PIGU: variants seen among roughly 807,000 people sequenced by gnomAD.
PIGU encodes the protein GPI-anchor transamidase component PIGU.
In PIGU, 24 loss-of-function variants were observed where a neutral mutation model predicts 49.9. The ratio of observed to expected loss-of-function variants is 0.48; its 90% confidence interval spans 0.35 to 0.68. PIGU has a LOEUF of 0.68. Among genes scored for constraint, PIGU ranks in the 30% least tolerant of loss-of-function variants. PIGU has a pLI of 0.01. For missense variants in PIGU, 490 were observed against 532.6 expected, an observed-to-expected ratio of 0.92 and a Z score of 0.79; for synonymous variants, 220 against 205.7, an observed-to-expected ratio of 1.07 and a Z score of -0.59.
chr20:34,675,266 AAAAG>A (rs1187626484), intron 1 of PIGU, among the ~76,000 whole-genome samples: 16 of 128,072 alleles, frequency 1.2e-4, no homozygotes, highest in Non-Finnish European at 2.4e-4. Flanking sequence ...AAAAAAAAAA[AAAAG>A]AGAGAGAGAG....
intron 10 of PIGU, 123 bp from the exon 11 acceptor site, chr20:34,575,369 C>T: frequency 8.3e-7 from 1 of 1,209,558 alleles, no homozygotes; most frequent in African/African-American, 1.5e-5. Context: ...GGCAGAGCAC[C>T]CCCAGAGGTA....
intron 1 of PIGU, among the ~76,000 whole-genome samples, chr20:34,662,107 C>G (rs1193924990): frequency 1.3e-5 from 2 of 152,164 alleles, no homozygotes; most frequent in Non-Finnish European, 2.9e-5. Flanking sequence ...GGTTCTCGCT[C>G]TATTGCCCAG....
At chr20:34,656,486 G>C (rs71337951) in intron 2 of PIGU, among the ~76,000 whole-genome samples, 1 of 150,164 alleles carries the variant, frequency 6.7e-6, no homozygotes, top group South Asian at 2.1e-4. Context: ...GTTTCACCGT[G>C]TTAGCCAGGA....
chr20:34,574,380 T>C (rs528436942), intron 11 of PIGU, among the ~76,000 whole-genome samples: 6 of 152,202 alleles, frequency 3.9e-5, no homozygotes, highest in Admixed American at 6.5e-5. Context: ...TGCAACATAA[T>C]TGCAGAGTTT....
At chr20:34,576,350 G>A (rs928872396) in intron 10 of PIGU, among the ~76,000 whole-genome samples, 8 of 152,142 alleles carry the variant, frequency 5.3e-5, no homozygotes, top group African/African-American at 1.9e-4. Context: ...GTTTTCCATT[G>A]CTACTATAGC....
intron 10 of PIGU, among the ~76,000 whole-genome samples, chr20:34,576,565 T>C (rs1983243401): frequency 6.6e-6 from 1 of 152,170 alleles, no homozygotes; most frequent in Non-Finnish European, 1.5e-5. Context: ...ATTGAGGCCT[T>C]CTCACATTGC....
intron 11 of PIGU, among the ~76,000 whole-genome samples, chr20:34,563,546 C>T (rs1026697032): frequency 3.4e-5 from 5 of 148,878 alleles, no homozygotes; most frequent in African/African-American, 7.4e-5. Flanking sequence ...AGCGAAACTG[C>T]GTCTCAAAAA....
intron 8 of PIGU, among the ~76,000 whole-genome samples, chr20:34,586,009 C>A (rs1983686873): frequency 1.3e-5 from 2 of 152,130 alleles, no homozygotes. Context: ...TTACTCCACA[C>A]CCCACAGCAG....
chr20:34,560,973 G>A lies in PIGU; in HGVS notation c.1201C>T (p.Leu401Phe), dbSNP rs778670977. ...TLTFNVGQIL[L>F]ISDYFYAFLR... ...AAGGCATAGAAGTAATCAGAGATGAGCAGGATCTGGGGGGAGAGAGAGGGT... is the reference window on the plus strand; with the variant it reads ...AAGGCATAGAAGTAATCAGAGATGAACAGGATCTGGGGGGAGAGAGAGGGT... Residue 401 changes from leucine to phenylalanine, a missense_variant, in exon 12 of 12, where the codon CTC (leucine) becomes TTC (phenylalanine). Coordinates refer to ENST00000217446, the MANE Select transcript of PIGU (RefSeq NM_080476.5). 6.2e-6 allele frequency: 10 copies of A among 1,603,452 alleles called. No individual in the cohort carries two copies. The highest frequency in any genetic ancestry group is 1.7e-4 in the Middle Eastern group (1 of 6,052).
chr20:34,650,138 G>A (rs572942806), intron 2 of PIGU, among the ~76,000 whole-genome samples: 19 of 152,120 alleles, frequency 1.2e-4, no homozygotes, highest in African/African-American at 3.4e-4. Context: ...ATGAGCCACC[G>A]TGCCTGGCCT....
intron 1 of PIGU, among the ~76,000 whole-genome samples, chr20:34,673,235 C>T (rs560793390): frequency 8.5e-6 from 1 of 118,320 alleles, no homozygotes; most frequent in South Asian, 2.6e-4. Context: ...GCCTGGGTGA[C>T]AGAGTGAGAC....
chr20:34,634,283 G>A (rs1398977417), intron 6 of PIGU, among the ~76,000 whole-genome samples: 2 of 151,850 alleles, frequency 1.3e-5, no homozygotes, highest in African/African-American at 4.8e-5. Flanking sequence ...TGTTCCCCAG[G>A]CTGGTCTTAA....
At chr20:34,595,269 C>CA (rs944601518) in intron 7 of PIGU, among the ~76,000 whole-genome samples, 16 of 151,660 alleles carry the variant, frequency 1.1e-4, no homozygotes, top group African/African-American at 2.7e-4. Flanking sequence ...GGAAATATTC[C>CA]AAAAAAAATT....
chr20:34,592,064 C>T (rs1984011729), intron 7 of PIGU, among the ~76,000 whole-genome samples: 1 of 151,956 alleles, frequency 6.6e-6, no homozygotes, highest in East Asian at 1.9e-4. Flanking sequence ...GGTTGGGCGC[C>T]TGTAGTCCCA....
chr20:34,596,351 T>C (rs1408205054), intron 7 of PIGU, among the ~76,000 whole-genome samples: 2 of 152,182 alleles, frequency 1.3e-5, no homozygotes, highest in Non-Finnish European at 2.9e-5. Context: ...ATGTGGGACC[T>C]AAATATGATC....
intron 6 of PIGU, among the ~76,000 whole-genome samples, chr20:34,621,024 C>T (rs755536902): frequency 5.9e-5 from 9 of 152,124 alleles, no homozygotes; most frequent in Non-Finnish European, 1.0e-4. Flanking sequence ...TAGCTGACTC[C>T]GGTACCCACT....
chr20:34,645,759 T>A (rs1986323720), intron 2 of PIGU, among the ~76,000 whole-genome samples: 1 of 151,658 alleles, frequency 6.6e-6, no homozygotes, highest in Non-Finnish European at 1.5e-5. Context: ...TAGCCGGGCG[T>A]GGTGGCGGGC....
intron 6 of PIGU, among the ~76,000 whole-genome samples, chr20:34,620,363 C>T (rs993503801): frequency 2.0e-5 from 3 of 152,272 alleles, no homozygotes; most frequent in African/African-American, 4.8e-5. Context: ...CTTCTCTGCC[C>T]GCTTTCTAGT....
At chr20:34,633,274 G>A (rs1322721593) in intron 6 of PIGU, among the ~76,000 whole-genome samples, 3 of 152,060 alleles carry the variant, frequency 2.0e-5, no homozygotes, top group East Asian at 3.9e-4. Context: ...CAGCAGCCTG[G>A]GCAACATGGC....
Sources: allele counts gnomAD v4.1 joint callset (sites outside exome capture counted in the v4.1 genomes callset), GRCh38; gene constraint gnomAD v4.1.1; transcripts MANE v1.5; gene names NCBI Gene and HGNC (gene_info 2026-07-23, HGNC 2026-07-21).